DSE: variants seen among roughly 807,000 people sequenced by gnomAD.
The protein encoded by DSE is dermatan-sulfate epimerase.
In DSE, 36 loss-of-function variants were observed where a neutral mutation model predicts 84.4. The ratio of observed to expected loss-of-function variants is 0.43; its 90% CI spans 0.33 to 0.56. DSE has a LOEUF of 0.56. DSE is among the 20% of genes least tolerant of loss of function. The pLI, the probability that DSE is intolerant of heterozygous loss-of-function variation, is 0.06. For missense variants in DSE, 862 were observed against 1,169.6 expected (o/e 0.74, Z 3.84); for synonymous variants, 410 against 430.1 (o/e 0.95, Z 0.58).
chr6:116,329,827 T>C lies in DSE; in HGVS notation c.-53-69371T>C, dbSNP rs574467382. ...AACCAGTATATAGGTATAAATATTT[T>C]TCTTTTCTTTTCTTTGAGATGGAGT... On this transcript the variant is annotated intron_variant, in intron 2 of 3. Transcript: ENST00000430252. Among the ~76,000 whole-genome samples the C allele has an allele frequency of 2.5e-3, 386 of 152,260 alleles. 1 individual carries two copies. Among genetic ancestry groups the C allele is most frequent in the South Asian group, 6.2e-3 (30 of 4,826 alleles).
chr6:116,351,461 A>T (rs1333984718), intron 2 of DSE, among the ~76,000 whole-genome samples: 1 of 152,200 alleles, frequency 6.6e-6, no homozygotes, highest in Non-Finnish European at 1.5e-5. Context: ...GAACATTTAA[A>T]TCCCTAGGAA....
intron 1 of DSE, among the ~76,000 whole-genome samples, chr6:116,395,891 T>C (rs1781223452): frequency 6.6e-6 from 1 of 152,252 alleles, no homozygotes; most frequent in Non-Finnish European, 1.5e-5. Context: ...GGGTATTACT[T>C]CCTCTTTTAG....
chr6:116,274,940 G>A (rs545739121), intron 2 of DSE, among the ~76,000 whole-genome samples: 2 of 152,166 alleles, frequency 1.3e-5, no homozygotes, highest in African/African-American at 2.4e-5. Context: ...GCTGTCCTAT[G>A]TAATTTTAGA....
chr6:116,432,134 G>T (rs9374601), intron 4 of DSE, among the ~76,000 whole-genome samples: 5 of 152,046 alleles, frequency 3.3e-5, no homozygotes, highest in Non-Finnish European at 7.4e-5. Flanking sequence ...TAGACATGCA[G>T]GAGAGGCCTG....
intron 2 of DSE, among the ~76,000 whole-genome samples, chr6:116,292,450 A>G (rs1443936865): frequency 2.0e-5 from 3 of 152,176 alleles, no homozygotes; most frequent in Non-Finnish European, 4.4e-5. Context: ...GAAAAGTAGC[A>G]AGACAGAAAA....
intron 2 of DSE, among the ~76,000 whole-genome samples, chr6:116,354,455 G>C (rs1450363261): frequency 6.6e-6 from 1 of 152,088 alleles, no homozygotes; most frequent in Non-Finnish European, 1.5e-5. Context: ...AGTGGGTGGA[G>C]GGTTTGTACA....
chr6:116,260,571 G>T (rs1403548878), intron 2 of DSE, among the ~76,000 whole-genome samples: 1 of 152,184 alleles, frequency 6.6e-6, no homozygotes, highest in East Asian at 1.9e-4. Context: ...CCTATGTCCA[G>T]AATGGTATTT....
rs1282316227 is a variant in DSE, at chr6:116,431,108, C to A, written c.825C>A (p.Leu275=). The A allele has an allele frequency of 6.2e-7, 1 of 1,614,044 alleles. No homozygotes were observed. The highest frequency in any genetic ancestry group is 8.5e-7 in the Non-Finnish European group (1 of 1,180,034). Residue 275 remains leucine, a synonymous_variant, in exon 4 of 6, where the codon CTC becomes CTA. Coordinates refer to ENST00000644252, the MANE Select transcript of DSE (RefSeq NM_013352.4). ...GATCACTCTTCCAATACATGTTTCT[C>A]GTCCAGAGGCACTTCAACATCAACC... ...TTRSLFQYMF[L]VQRHFNINHF...
chr6:116,422,137 T>C (rs1783132482), intron 2 of DSE, among the ~76,000 whole-genome samples: 1 of 152,250 alleles, frequency 6.6e-6, no homozygotes, highest in African/African-American at 2.4e-5. Flanking sequence ...ACATCATGCC[T>C]TTGTTATTTT....
intron 2 of DSE, among the ~76,000 whole-genome samples, chr6:116,260,056 A>C (rs1772345875): frequency 6.6e-6 from 1 of 152,212 alleles, no homozygotes; most frequent in Non-Finnish European, 1.5e-5. Context: ...GTCTCTGAAG[A>C]ATCACCACAC....
intron 1 of DSE, among the ~76,000 whole-genome samples, chr6:116,381,284 C>G (rs999215587): frequency 1.3e-5 from 2 of 151,966 alleles, no homozygotes; most frequent in Non-Finnish European, 2.9e-5. Flanking sequence ...GAGTCATGCT[C>G]AAGCAATGAT....
At position 116,442,648 on chromosome 6, in the gene DSE, GA is replaced by G. The variant is rs1361800349; in HGVS notation, c.*5306del. 6.6e-6 allele frequency: 1 copy of G among 152,172 alleles called. No individual in the cohort carries two copies. Among genetic ancestry groups the G allele is most frequent in the Non-Finnish European group, 1.5e-5 (1 of 68,058 alleles). 9.4% of individuals were successfully genotyped at this position (152,172 alleles called of 1,614,324 possible). A position where few individuals can be genotyped will look rare whatever the true frequency, so the allele number is the denominator to read the frequency against. On this transcript the variant is annotated 3_prime_UTR_variant, in exon 6 of 6. Coordinates refer to ENST00000644252, the MANE Select transcript of DSE (RefSeq NM_013352.4). ...TGTGTGATGGAGAATGGGTGAAGAT[GA>G]AACTGAAAAGGCAAGCAGGGAGGCT...
chr6:116,254,262 C>T, exon 1 of DSE: 1 of 682,968 alleles, frequency 1.5e-6, no homozygotes, highest in Non-Finnish European at 2.7e-6. Context: ...GGGAGTTTTA[C>T]TTACGTAAAT....
chr6:116,422,486 A>G (rs1244939954), intron 2 of DSE, among the ~76,000 whole-genome samples: 3 of 152,216 alleles, frequency 2.0e-5, no homozygotes, highest in Non-Finnish European at 4.4e-5. Context: ...TTTCATGAAA[A>G]AACCGAGCTA....
At chr6:116,370,564 C>T (rs1198518462), upstream of DSE, 4 of 947,714 alleles carry the variant, frequency 4.2e-6, no homozygotes, top group South Asian at 9.7e-5. Flanking sequence ...CAGCTCCTCC[C>T]CCTGGGCCTC....
intron 1 of DSE, among the ~76,000 whole-genome samples, chr6:116,390,502 C>T (rs1480527640): frequency 6.6e-6 from 1 of 151,958 alleles, no homozygotes; most frequent in Non-Finnish European, 1.5e-5. Flanking sequence ...GCATAACAGG[C>T]AAAAATTACT....
At chr6:116,311,200 A>G (rs1465789832) in intron 2 of DSE, among the ~76,000 whole-genome samples, 1 of 152,168 alleles carries the variant, frequency 6.6e-6, no homozygotes, top group African/African-American at 2.4e-5. Context: ...TCCTAGGAAC[A>G]CCTTGTCCTT....
At chr6:116,323,312 CTG>C (rs1776436125) in intron 2 of DSE, among the ~76,000 whole-genome samples, 1 of 152,206 alleles carries the variant, frequency 6.6e-6, no homozygotes, top group Non-Finnish European at 1.5e-5. Context: ...ACATCTTTCA[CTG>C]TGTTTCTTCA....
chr6:116,358,119 C>T (rs1778681823), intron 2 of DSE, among the ~76,000 whole-genome samples: 1 of 152,208 alleles, frequency 6.6e-6, no homozygotes, highest in Non-Finnish European at 1.5e-5. Context: ...GGCAAGTCTT[C>T]TTTGCCTTTC....
Sources: allele counts gnomAD v4.1 joint callset (sites outside exome capture counted in the v4.1 genomes callset), GRCh38; gene constraint gnomAD v4.1.1; transcripts MANE v1.5; gene names NCBI Gene and HGNC (gene_info 2026-07-23, HGNC 2026-07-21).